ZNF182: variants seen among roughly 807,000 people sequenced by gnomAD.
The protein encoded by ZNF182 is zinc finger protein 182.
Under a neutral mutation model 28.1 loss-of-function variants are expected in ZNF182, and 10 were observed. The observed-to-expected ratio is 0.36, with a 90% CI of 0.22 to 0.60. The LOEUF (loss-of-function observed/expected upper bound fraction) is 0.60, where lower values mean the gene tolerates loss of function less well. Ranked by LOEUF, ZNF182 falls within the 20% of genes least tolerant of loss-of-function variation. The pLI, the probability that ZNF182 is intolerant of heterozygous loss-of-function variation, is 0.75. For missense variants in ZNF182, 352 were observed against 453.2 expected (o/e 0.78, Z 2.03); for synonymous variants, 156 against 158.7 (o/e 0.98, Z 0.13).
Position 47,990,251 on chromosome X carries a change from G to A in ZNF182, c.16-6840C>T, listed in dbSNP as rs1387385926. On this transcript the variant is annotated intron_variant, in intron 3 of 5. Coordinates refer to ENST00000376943, the MANE Select transcript of ZNF182 (RefSeq NM_001007088.2). Reference sequence around the variant, plus strand: ...GGCAAGAGCCTTCCTCCAAAAATCCGCGTCTGGTTACTCAATAACGGGGTC... The same window carrying A: ...GGCAAGAGCCTTCCTCCAAAAATCCACGTCTGGTTACTCAATAACGGGGTC... Among the ~76,000 whole-genome samples, 17 of 111,056 alleles carry A rather than the reference G, an allele frequency of 1.5e-4. 1 individual carries two copies. The highest frequency in any genetic ancestry group is 9.6e-4 in the Admixed American group (10 of 10,461).
intron 5 of ZNF182, among the ~76,000 whole-genome samples, chrX:47,978,628 C>T (rs1001479749): frequency 5.3e-5 from 6 of 112,424 alleles, no homozygotes; most frequent in South Asian, 3.6e-4. Context: ...CCTGCCTATA[C>T]GATTTCCACT....
intron 3 of ZNF182, among the ~76,000 whole-genome samples, chrX:47,986,612 G>A (rs1304732519): frequency 8.9e-6 from 1 of 111,913 alleles, no homozygotes; most frequent in Non-Finnish European, 1.9e-5. Flanking sequence ...AATATTGAGT[G>A]TCAACTTGAT....
At chrX:47,997,028 G>A (rs781936299) in intron 3 of ZNF182, among the ~76,000 whole-genome samples, 25 of 111,855 alleles carry the variant, frequency 2.2e-4, no homozygotes, top group African/African-American at 8.1e-4. Flanking sequence ...GCTACATGCT[G>A]TCTAAAAGAA....
chrX:47,976,011 T>C lies in ZNF182; in HGVS notation c.*156A>G, dbSNP rs2058881872. The C allele has an allele frequency of 1.8e-6, 1 of 542,063 alleles. No homozygotes were observed. Among genetic ancestry groups the C allele is most frequent in the East Asian group, 3.9e-5 (1 of 25,716 alleles). The allele number at this position is 542,063 out of a possible 1,213,427, so 44.7% of individuals were successfully genotyped here. ...GATACAGAGATTACACTTCTGCTTT[T>C]TCTCCCGTAGCTTTTGGGTTATGAC... On this transcript the variant is annotated 3_prime_UTR_variant, in exon 6 of 6. Transcript: ENST00000376943.
chrX:47,999,487 G>A (rs1247597308), intron 3 of ZNF182, among the ~76,000 whole-genome samples: 2 of 109,233 alleles, frequency 1.8e-5, no homozygotes, highest in Non-Finnish European at 3.8e-5. Flanking sequence ...CTCATATGTA[G>A]AAGCTTAAAA....
rs1603226902 is a variant in ZNF182 at position 47,990,587 on chromosome X, C to A, written c.16-7176G>T. ...TGAATCTAGATGAAAGCTATATAAT[C>A]ATTCATTGAACTATTCTCGCAGCTT... On this transcript the variant is annotated intron_variant, in intron 3 of 5. Transcript: ENST00000376943. Among the ~76,000 whole-genome samples the A allele has an allele frequency of 2.7e-5, 3 of 112,190 alleles. No homozygotes were observed. In the East Asian group the frequency reaches 8.3e-4, roughly 31 times the overall value.
chrX:47,986,664 G>C (rs2058924365), intron 3 of ZNF182, among the ~76,000 whole-genome samples: 1 of 111,779 alleles, frequency 8.9e-6, no homozygotes, highest in Non-Finnish European at 1.9e-5. Flanking sequence ...GTGTGTCTGT[G>C]AGGGTGTTGC....
chrX:47,985,406 T>C (rs1250436072), intron 3 of ZNF182, among the ~76,000 whole-genome samples: 1 of 111,375 alleles, frequency 9.0e-6, no homozygotes, highest in Non-Finnish European at 1.9e-5. Flanking sequence ...TGAAAATATA[T>C]CTATATTTTC....
At chrX:48,000,328 G>A (rs1200589220) in intron 3 of ZNF182, among the ~76,000 whole-genome samples, 3 of 110,502 alleles carry the variant, frequency 2.7e-5, no homozygotes, top group Non-Finnish European at 5.7e-5. Flanking sequence ...TTGGGAGGCC[G>A]AGGTGGGCGG....
intron 3 of ZNF182, chrX:47,988,603 G>C: frequency 4.3e-6 from 2 of 466,637 alleles, no homozygotes; most frequent in Non-Finnish European, 7.7e-6. Context: ...CATGCTTCTT[G>C]TACAGCTTGC....
intron 3 of ZNF182, chrX:47,988,425 A>G (rs1158095867): frequency 1.8e-5 from 6 of 332,614 alleles, no homozygotes; most frequent in Non-Finnish European, 3.3e-5. Context: ...TTTGGTGATG[A>G]GTGACTTTTC....
chrX:47,993,657 A>G (rs2058948967), intron 3 of ZNF182, among the ~76,000 whole-genome samples: 1 of 112,411 alleles, frequency 8.9e-6, no homozygotes, highest in South Asian at 3.6e-4. Flanking sequence ...TGAGATAAAA[A>G]CAAAATCTCA....
intron 5 of ZNF182, among the ~76,000 whole-genome samples, chrX:47,981,925 C>CAGTT (rs1251051815): frequency 2.8e-5 from 3 of 108,112 alleles, no homozygotes; most frequent in Admixed American, 2.0e-4. Flanking sequence ...GTTAAACATA[C>CAGTT]AGTTCCTTTT....
chrX:47,983,042 T>C lies in ZNF182; in HGVS notation c.143-4A>G, dbSNP rs1358026470. On this transcript the variant is annotated splice_polypyrimidine_tract_variant and splice_region_variant and intron_variant, in intron 4 of 5. Coordinates refer to ENST00000376943, the MANE Select transcript of ZNF182 (RefSeq NM_001007088.2). ...TTTGGTTTGGTAACCTGCTGCCCTG[T>C]TGATGAGAAATGACAGTGATACCTC... 5.0e-6 allele frequency: 6 copies of C among 1,208,338 alleles called. No individual in the cohort carries two copies. Among genetic ancestry groups the C allele is most frequent in the Non-Finnish European group, 5.6e-6 (5 of 894,073 alleles).
intron 3 of ZNF182, among the ~76,000 whole-genome samples, chrX:47,996,292 T>C (rs1457261348): frequency 9.0e-6 from 1 of 110,894 alleles, no homozygotes; most frequent in Non-Finnish European, 1.9e-5. Flanking sequence ...AAAATATTGA[T>C]GCTAAGCATG....
chrX:47,988,695 C>A, intron 3 of ZNF182: 2 of 301,133 alleles, frequency 6.6e-6, no homozygotes, highest in African/African-American at 2.7e-5. Flanking sequence ...AGGGATGTCT[C>A]AAAACGACAC....
intron 5 of ZNF182, among the ~76,000 whole-genome samples, chrX:47,980,412 T>C (rs1350027599): frequency 9.0e-6 from 1 of 111,613 alleles, no homozygotes; most frequent in Non-Finnish European, 1.9e-5. Context: ...GTTAACAATA[T>C]AGTGTATCTT....
intron 3 of ZNF182, among the ~76,000 whole-genome samples, chrX:47,993,351 A>G (rs782667870): frequency 3.1e-4 from 35 of 112,252 alleles, no homozygotes; most frequent in African/African-American, 1.0e-3. Flanking sequence ...ACTAATAATC[A>G]TAAGTGCTTT....
intron 3 of ZNF182, among the ~76,000 whole-genome samples, chrX:47,985,338 G>A (rs1039859484): frequency 3.6e-4 from 40 of 112,180 alleles, no homozygotes; most frequent in Admixed American, 2.9e-3. Context: ...TCAAAAGGCT[G>A]CATACTGCAT....
Sources: gnomAD v4.1 joint callset for allele counts (sites outside exome capture counted in the v4.1 genomes callset) on GRCh38, gnomAD v4.1.1 for gene constraint, MANE v1.5 for transcripts, NCBI Gene and HGNC (gene_info 2026-07-23, HGNC 2026-07-21) for gene names.